The following DPP10 variants were observed in gnomAD, a reference collection of about 807,000 sequenced individuals.
DPP10 encodes dipeptidyl peptidase like 10.
Under a neutral mutation model 120.9 loss-of-function variants are expected in DPP10, and 33 were observed. The ratio of observed to expected loss-of-function variants is 0.27; its 90% CI spans 0.21 to 0.37. The LOEUF is 0.37. Among genes scored for constraint, DPP10 ranks in the 10% least tolerant of loss-of-function variants. DPP10 has a pLI of 1.00. For synonymous variants in DPP10, 337 were observed against 326.1 expected (o/e 1.03, Z -0.36); for missense variants, 816 against 942.8 (o/e 0.87, Z 1.76).
At chr2:114,644,806 A>G (rs1234415808) in intron 1 of DPP10, among the ~76,000 whole-genome samples, 1 of 151,912 alleles carries the variant, frequency 6.6e-6, no homozygotes, top group African/African-American at 2.4e-5. Context: ...CCACTCTGGC[A>G]CCTCTGAAGT....
At chr2:114,550,314 A>G (rs910977637) in intron 1 of DPP10, among the ~76,000 whole-genome samples, 4 of 152,188 alleles carry the variant, frequency 2.6e-5, no homozygotes, top group African/African-American at 9.7e-5. Context: ...ACCACATTAC[A>G]TATTTGCCAG....
intron 5 of DPP10, among the ~76,000 whole-genome samples, chr2:115,612,771 A>G (rs2084207551): frequency 6.6e-6 from 1 of 152,168 alleles, no homozygotes; most frequent in Admixed American, 6.5e-5. Flanking sequence ...TATATATTCT[A>G]ACTATATATG....
At chr2:114,966,825 T>C (rs1451818625) in intron 1 of DPP10, among the ~76,000 whole-genome samples, 1 of 152,202 alleles carries the variant, frequency 6.6e-6, no homozygotes, top group Non-Finnish European at 1.5e-5. Flanking sequence ...GTGGGTCACT[T>C]GAGGTCAGGA....
intron 1 of DPP10, among the ~76,000 whole-genome samples, chr2:115,294,669 A>G (rs1310032018): frequency 1.3e-5 from 2 of 152,134 alleles, no homozygotes; most frequent in East Asian, 1.9e-4. Context: ...GTGACTATCA[A>G]TATGGAATCC....
intron 1 of DPP10, among the ~76,000 whole-genome samples, chr2:114,955,540 T>C (rs1296024530): frequency 6.6e-6 from 1 of 152,184 alleles, no homozygotes; most frequent in Non-Finnish European, 1.5e-5. Context: ...ATACTAATCC[T>C]CCTCAAACAC....
chr2:115,281,674 A>T (rs759621935), intron 1 of DPP10, among the ~76,000 whole-genome samples: 3 of 152,168 alleles, frequency 2.0e-5, no homozygotes, highest in Non-Finnish European at 2.9e-5. Context: ...AGTGCCCAGC[A>T]AGAAAATATA....
At chr2:115,568,619 C>T (rs2149080726) in intron 5 of DPP10, among the ~76,000 whole-genome samples, 1 of 146,436 alleles carries the variant, frequency 6.8e-6, no homozygotes, top group Middle Eastern at 3.5e-3. Context: ...GTCTTTTGCT[C>T]ATTTTTCTAT....
chr2:114,773,989 C>T (rs1681499972), intron 1 of DPP10, among the ~76,000 whole-genome samples: 1 of 151,526 alleles, frequency 6.6e-6, no homozygotes, highest in South Asian at 2.1e-4. Flanking sequence ...AGTATATATT[C>T]TATTTGATAT....
intron 1 of DPP10, among the ~76,000 whole-genome samples, chr2:115,218,514 C>T (rs546736330): frequency 6.6e-6 from 1 of 152,240 alleles, no homozygotes; most frequent in South Asian, 2.1e-4. Flanking sequence ...AGGTTTCCAA[C>T]ATCGTACTGA....
intron 1 of DPP10, among the ~76,000 whole-genome samples, chr2:115,135,028 G>A (rs1453709515): frequency 6.6e-6 from 1 of 151,942 alleles, no homozygotes; most frequent in Non-Finnish European, 1.5e-5. Flanking sequence ...TTCAAACCCA[G>A]GTTAGGAAGA....
chr2:115,767,471 A>ATG (rs550141969), intron 12 of DPP10, among the ~76,000 whole-genome samples: 2 of 41,356 alleles, frequency 4.8e-5, no homozygotes, highest in African/African-American at 1.5e-4. Flanking sequence ...CTACATACAT[A>ATG]TATGTGTGTG....
At chr2:114,449,986 G>A (rs531527916) in intron 1 of DPP10, among the ~76,000 whole-genome samples, 2 of 152,220 alleles carry the variant, frequency 1.3e-5, no homozygotes, top group South Asian at 4.1e-4. Flanking sequence ...GGATTCAAAT[G>A]TCATTGAAAG....
At chr2:114,776,574 CA>C (rs1286148883) in intron 1 of DPP10, among the ~76,000 whole-genome samples, 1 of 151,844 alleles carries the variant, frequency 6.6e-6, no homozygotes, top group Non-Finnish European at 1.5e-5. Context: ...TTTATAGGCT[CA>C]AAAGAAATAT....
intron 1 of DPP10, among the ~76,000 whole-genome samples, chr2:114,956,522 C>G (rs182438247): frequency 6.8e-6 from 1 of 146,376 alleles, no homozygotes. Context: ...TCCATCCTAC[C>G]CAAAGTGATC....
intron 1 of DPP10, among the ~76,000 whole-genome samples, chr2:114,900,745 G>A (rs572759932): frequency 5.5e-4 from 83 of 152,012 alleles, no homozygotes; most frequent in African/African-American, 1.9e-3. Context: ...TACCTTTTGA[G>A]ATGTGTTTAA....
chr2:114,713,572 C>T (rs146960108), intron 1 of DPP10, among the ~76,000 whole-genome samples: 61 of 152,308 alleles, frequency 4.0e-4, no homozygotes, highest in Non-Finnish European at 7.1e-4. Context: ...CAGTATGTCA[C>T]TCACCTTCTA....
chr2:115,300,817 C>G (rs965024910), intron 1 of DPP10, among the ~76,000 whole-genome samples: 15 of 151,942 alleles, frequency 9.9e-5, no homozygotes, highest in Admixed American at 2.6e-4. Context: ...TCTAGTAAAT[C>G]TGAAGCCTTG....
At chr2:114,645,812 A>G (rs1289629097) in intron 1 of DPP10, among the ~76,000 whole-genome samples, 1 of 152,156 alleles carries the variant, frequency 6.6e-6, no homozygotes, top group Non-Finnish European at 1.5e-5. Context: ...GCACCTGGGA[A>G]CAAATCAAAT....
chr2:114,944,434 A>T (rs1356289000), intron 1 of DPP10, among the ~76,000 whole-genome samples: 1 of 152,166 alleles, frequency 6.6e-6, no homozygotes, highest in Non-Finnish European at 1.5e-5. Context: ...TTTGTTAAAC[A>T]TCCACCTTTC....
Sources: allele counts gnomAD v4.1 joint callset (sites outside exome capture counted in the v4.1 genomes callset), GRCh38; gene constraint gnomAD v4.1.1; transcripts MANE v1.5; gene names NCBI Gene and HGNC (gene_info 2026-07-23, HGNC 2026-07-21).